Variants in TMEM245 observed in about 807,000 individuals in gnomAD.
TMEM245 encodes the protein protein CG-2.
TMEM245 carries 69 observed loss-of-function variants against 101.2 expected under a neutral mutation model. That is an observed-to-expected ratio of 0.68 (90% CI 0.56 to 0.83). TMEM245 has a LOEUF of 0.83. Among genes scored for constraint, TMEM245 ranks in the 40% least tolerant of loss-of-function variants. TMEM245 has a pLI of 0.00. For missense variants in TMEM245, 1,075 were observed against 1,092.8 expected (o/e 0.98, Z 0.23); for synonymous variants, 537 against 449.8 (o/e 1.19, Z -2.45).
At chr9:109,046,080 G>C (rs531141016) in intron 14 of TMEM245, 1 of 213,082 alleles carries the variant, frequency 4.7e-6, no homozygotes, top group South Asian at 6.9e-5. Flanking sequence ...AAAATTGGAA[G>C]GTACCGATGG....
chr9:109,068,134 G>A (rs549100944), intron 9 of TMEM245, among the ~76,000 whole-genome samples: 2 of 152,084 alleles, frequency 1.3e-5, no homozygotes, highest in Admixed American at 6.5e-5. Context: ...TTGGTAGGCC[G>A]AGGCAGGTGG....
In TMEM245 at chr9:109,086,164, T is replaced by C. The variant is rs1175473518; in HGVS notation, c.1321-144A>G. 4 of 759,596 alleles carry C rather than the reference T, an allele frequency of 5.3e-6. No individual in the cohort carries two copies. The African/African-American group carries it at 7.1e-5, about 14-fold the overall frequency. The allele number at this position is 759,596 out of a possible 1,614,324, so 47.1% of individuals were successfully genotyped here. A position where few individuals can be genotyped will look rare whatever the true frequency, so the allele number is the denominator to read the frequency against. On this transcript the variant is annotated intron_variant, in intron 6 of 17. Transcript: ENST00000374586. The stretch of plus-strand genomic sequence containing the variant: ...GGAAAAACTAGGGACGGAAAAACTG[T>C]AACACATCAAAGTTTTAAAATCAAC...
Position 109,119,693 on chromosome 9 carries a change from T to C in TMEM245, c.221A>G (p.Tyr74Cys), listed in dbSNP as rs145560454. 3.2e-3 allele frequency: 5,021 copies of C among 1,555,936 alleles called. 6 individuals carry two copies. Among genetic ancestry groups the C allele is most frequent in the Non-Finnish European group, 4.0e-3 (4,597 of 1,153,894 alleles). Residue 74 changes from tyrosine (Y) to cysteine (C), a missense_variant, in exon 1 of 18, where the codon TAC (tyrosine) becomes TGC (cysteine). Tyr to Cys is a radical substitution (Grantham distance 194). This residue lies in a region of TMEM245 where 808 missense variants were observed against 741.5 expected (regional missense o/e 1.09). Transcript: ENST00000374586. ...CLCCGAAVLV[Y>C]FILEAFLRPL... ...CCGCAGGAAGGCCTCCAGGATGAAG[T>C]AGACCAGCACCGCGGCGCCGCAGCA...
chr9:109,087,412 T>C (rs1829876072), intron 5 of TMEM245, 70 bp from the exon 6 acceptor site: 15 of 1,397,430 alleles, frequency 1.1e-5, no homozygotes, highest in Non-Finnish European at 1.4e-5. Flanking sequence ...AAAAGGTACC[T>C]TAATTTCACA....
intron 7 of TMEM245, among the ~76,000 whole-genome samples, chr9:109,082,879 T>C (rs982236552): frequency 2.6e-5 from 4 of 152,168 alleles, no homozygotes; most frequent in Non-Finnish European, 5.9e-5. Flanking sequence ...AATAAAAACG[T>C]ATATCCAAGG....
At chr9:109,095,353 C>T (rs72760357) in intron 3 of TMEM245, among the ~76,000 whole-genome samples, 22,210 of 152,178 alleles carry the variant, frequency 0.15, 1,848 homozygotes, top group African/African-American at 0.2. Flanking sequence ...TAAATAACCA[C>T]ACAAATAAAC....
At chr9:109,095,744 CCT>C (rs1023167914) in intron 3 of TMEM245, among the ~76,000 whole-genome samples, 1 of 152,100 alleles carries the variant, frequency 6.6e-6, no homozygotes, top group East Asian at 1.9e-4. Context: ...TCCAGTTTCC[CCT>C]GACACAAGAT....
intron 12 of TMEM245, 151 bp downstream of exon 12, chr9:109,057,040 C>T: frequency 1.2e-6 from 1 of 824,080 alleles, no homozygotes; most frequent in Non-Finnish European, 1.8e-6. Context: ...GGCTTTTGAA[C>T]ATCATCCTAG....
chr9:109,057,284 C>G lies in TMEM245; in HGVS notation c.1761G>C (p.Leu587Phe), dbSNP rs201566707. ...GCCAGCTATTCTGACGACTGACATG[C>G]AACTTCTGTCCTTTGTGCCTTCCAG... ...THSGRHKGQK[L>F]HVSRQNSWLG... The change falls in exon 12 of 18, where the codon TTG becomes TTC. Residue 587 changes from leucine to phenylalanine, a missense_variant. Around this residue, in one of 2 missense-constraint regions of TMEM245, gnomAD observed 808 missense variants for 741.5 expected, o/e 1.09. Coordinates refer to ENST00000374586, the MANE Select transcript of TMEM245 (RefSeq NM_032012.4). The G allele has an allele frequency of 6.2e-7, 1 of 1,614,106 alleles. No homozygotes were observed. Among genetic ancestry groups the G allele is most frequent in the East Asian group, 2.2e-5 (1 of 44,874 alleles).
rs749549110 is a variant in TMEM245 at position 109,080,884 on chromosome 9, C to G, written c.1404G>C (p.Leu468Phe). ...CTAAAAGAAGAGTTCCTATCACTAA[C>G]AAAAATATGATGAAAATGCTAATTA... ...DKIISIFIIFLLVIGTLLLAL... is the reference protein window; with the variant it reads ...DKIISIFIIFFLVIGTLLLAL... The change falls in exon 8 of 18, where the codon TTG becomes TTC. Residue 468 changes from leucine (L) to phenylalanine (F), a missense_variant. Around this residue, in one of 2 missense-constraint regions of TMEM245, gnomAD observed 808 missense variants for 741.5 expected, o/e 1.09. Transcript: ENST00000374586. 1 of 1,610,552 alleles carries G rather than the reference C, an allele frequency of 6.2e-7. No individual in the cohort carries two copies. Among genetic ancestry groups the G allele is most frequent in the Admixed American group, 1.7e-5 (1 of 59,838 alleles).
At chr9:109,024,417 C>T (rs1378218138) in intron 17 of TMEM245, among the ~76,000 whole-genome samples, 1 of 152,234 alleles carries the variant, frequency 6.6e-6, no homozygotes, top group Non-Finnish European at 1.5e-5. Flanking sequence ...CTAGCACTTA[C>T]TATGCGCCAA....
At chr9:109,027,971 C>T (rs183935410) in intron 17 of TMEM245, among the ~76,000 whole-genome samples, 7 of 151,912 alleles carry the variant, frequency 4.6e-5, no homozygotes, top group East Asian at 3.9e-4. Context: ...CGTGACCCAC[C>T]GCACCCGGCC....
chr9:109,064,360 A>C, intron 10 of TMEM245, 117 bp downstream of exon 10: 1 of 841,504 alleles, frequency 1.2e-6, no homozygotes, highest in Non-Finnish European at 1.9e-6. Context: ...TTACCTGTTT[A>C]TTTAAGCCTA....
At chr9:109,113,430 A>C (rs1383680206) in intron 1 of TMEM245, among the ~76,000 whole-genome samples, 2 of 152,230 alleles carry the variant, frequency 1.3e-5, no homozygotes, top group African/African-American at 4.8e-5. Context: ...ATAAGAGGGC[A>C]TATTTTTCCA....
At chr9:109,058,581 A>G (rs1297412838) in intron 11 of TMEM245, among the ~76,000 whole-genome samples, 4 of 152,142 alleles carry the variant, frequency 2.6e-5, no homozygotes, top group Admixed American at 6.5e-5. Flanking sequence ...AAATTTAAAA[A>G]TTAGACAAGC....
Position 109,041,291 on chromosome 9 carries a change from A to T in TMEM245, c.2124-3174T>A, listed in dbSNP as rs78194032. Among the ~76,000 whole-genome samples, 147 of 152,156 alleles carry T rather than the reference A, an allele frequency of 9.7e-4. 1 individual carries two copies. The highest frequency in any genetic ancestry group is 3.3e-3 in the African/African-American group (137 of 41,516). The stretch of plus-strand genomic sequence containing the variant: ...CAAGGAAATACTATTCAGCCCCCCC[A>T]AAAGAAGGAAATCCTGTCATTTGCG... On this transcript the variant is annotated intron_variant, in intron 14 of 17. Coordinates refer to ENST00000374586, the MANE Select transcript of TMEM245 (RefSeq NM_032012.4).
chr9:109,092,730 ATC>A (rs915373931), intron 4 of TMEM245, among the ~76,000 whole-genome samples: 1 of 152,170 alleles, frequency 6.6e-6, no homozygotes, highest in Non-Finnish European at 1.5e-5. Context: ...GCACTAATGG[ATC>A]TCTCAGCACA....
At chr9:109,054,623 A>T (rs75543406) in intron 12 of TMEM245, among the ~76,000 whole-genome samples, 33,349 of 148,468 alleles carry the variant, frequency 0.22, 4,461 homozygotes, top group Admixed American at 0.31. Flanking sequence ...TCCAAAAAAC[A>T]AAAAAAAACT....
intron 3 of TMEM245, among the ~76,000 whole-genome samples, chr9:109,097,043 T>G (rs1361398): frequency 0.13 from 19,247 of 152,246 alleles, 1,620 homozygotes; most frequent in Middle Eastern, 0.2. Flanking sequence ...AAGTGTAAAC[T>G]GTTAGGGAGC....
Sources: allele counts gnomAD v4.1 joint callset (sites outside exome capture counted in the v4.1 genomes callset), GRCh38; gene constraint gnomAD v4.1.1; regional missense constraint gnomAD v4.1.1; transcripts MANE v1.5; gene names NCBI Gene and HGNC (gene_info 2026-07-23, HGNC 2026-07-21).